Variants in SVEP1 observed in about 807,000 individuals in gnomAD.
SVEP1 encodes the protein sushi, von Willebrand factor type A, EGF and pentraxin domain containing 1, also known as sushi, von Willebrand factor type A, EGF and pentraxin domain-containing protein 1.
Under a neutral mutation model 367.3 loss-of-function variants are expected in SVEP1, and 164 were observed. The observed-to-expected ratio is 0.45, with a 90% CI of 0.39 to 0.51. The LOEUF (loss-of-function observed/expected upper bound fraction) is 0.51, where lower values mean the gene tolerates loss of function less well. Among genes scored for constraint, SVEP1 ranks in the 20% least tolerant of loss-of-function variants. SVEP1 has a pLI of 0.00. For missense variants in SVEP1, 4,117 were observed against 4,425.3 expected (o/e 0.93, Z 1.98); for synonymous variants, 1,666 against 1,611.6 (o/e 1.03, Z -0.81).
chr9:110,404,984 C>T (rs1194204479), intron 38 of SVEP1, among the ~76,000 whole-genome samples: 1 of 152,154 alleles, frequency 6.6e-6, no homozygotes, highest in African/African-American at 2.4e-5. Flanking sequence ...CAAGAACATG[C>T]CACTGCACTC....
At chr9:110,486,662 T>C (rs1321195368) in intron 9 of SVEP1, among the ~76,000 whole-genome samples, 1 of 151,996 alleles carries the variant, frequency 6.6e-6, no homozygotes, top group South Asian at 2.1e-4. Flanking sequence ...TCTCTTTTTT[T>C]TTTTAGATGG....
rs3802433 is a variant in SVEP1, at chr9:110,407,781, T to C, written c.7819A>G (p.Thr2607Ala). The C allele has an allele frequency of 7.2e-5, 117 of 1,613,858 alleles. No homozygotes were observed. The East Asian group carries it at 2.5e-3, about 35-fold the overall frequency. Residue 2607 changes from threonine (T) to alanine (A), a missense_variant, in exon 38 of 48, where the codon ACA becomes GCA. Physicochemically the swap from Thr to Ala is moderately conservative, Grantham distance 58. Transcript: ENST00000374469. ...AGGCCACAGTCTATTGGCATACATG[T>C]TGGGATGGAACTTGACCATCCTGAC... The part of the protein sequence containing the change: ...EESGWSSSIP[T>A]CMPIDCGLPP...
chr9:110,438,968 C>T (rs1044456705), intron 27 of SVEP1, among the ~76,000 whole-genome samples: 8 of 152,182 alleles, frequency 5.3e-5, no homozygotes, highest in Non-Finnish European at 7.3e-5. Flanking sequence ...AAACCATATA[C>T]ACAATCTTTT....
Position 110,573,933 on chromosome 9 carries a change from C to A in SVEP1, c.531+5080G>T, listed in dbSNP as rs140115077. On this transcript the variant is annotated intron_variant, in intron 1 of 47. Coordinates refer to ENST00000374469, the MANE Select transcript of SVEP1 (RefSeq NM_153366.4). The stretch of plus-strand genomic sequence containing the variant: ...AGAATTCACTGCTTTAGTCCTTGCA[C>A]TCTTTGAAGAGTGCTAGGGGGTGGT... Among the ~76,000 whole-genome samples the A allele has an allele frequency of 6.3e-3, 957 of 152,330 alleles. 5 individuals carry two copies. Among genetic ancestry groups the A allele is most frequent in the Non-Finnish European group, 0.011 (775 of 68,032 alleles).
chr9:110,455,089 T>C (rs1192130657), intron 22 of SVEP1, among the ~76,000 whole-genome samples: 3 of 152,220 alleles, frequency 2.0e-5, no homozygotes, highest in Admixed American at 6.5e-5. Flanking sequence ...CAAGGATACA[T>C]GCGCCTGAAG....
chr9:110,469,204 G>T, intron 16 of SVEP1, 103 bp from the exon 17 acceptor site: 2 of 1,246,618 alleles, frequency 1.6e-6, no homozygotes, highest in Non-Finnish European at 2.2e-6. Context: ...GCTTGAAGGT[G>T]CTATTGTTTA....
At chr9:110,430,107 CTTTTT>C (rs11331398) in intron 33 of SVEP1, 103 bp from the exon 34 acceptor site, 34 of 964,720 alleles carry the variant, frequency 3.5e-5, no homozygotes, top group South Asian at 5.5e-5. Flanking sequence ...TGTTTGTTTT[CTTTTT>C]TTTTTTTTTT....
intron 1 of SVEP1, among the ~76,000 whole-genome samples, chr9:110,559,112 A>G (rs1830391037): frequency 6.6e-6 from 1 of 152,108 alleles, no homozygotes; most frequent in African/African-American, 2.4e-5. Context: ...TTAGAAAAAC[A>G]GCAGATTTCC....
At chr9:110,389,978 TTGGCC>T in intron 40 of SVEP1, among the ~76,000 whole-genome samples, 1 of 147,092 alleles carries the variant, frequency 6.8e-6, no homozygotes, top group East Asian at 2.0e-4. Context: ...AGAGTACTAT[TTGGCC>T]ATAAAAACAC....
intron 18 of SVEP1, among the ~76,000 whole-genome samples, chr9:110,462,220 G>C (rs1053239544): frequency 6.6e-6 from 1 of 151,240 alleles, no homozygotes; most frequent in African/African-American, 2.4e-5. Flanking sequence ...ACTAACAGAA[G>C]GTAAAAAATT....
At chr9:110,405,710 T>C (rs1256212909) in intron 38 of SVEP1, among the ~76,000 whole-genome samples, 2 of 152,242 alleles carry the variant, frequency 1.3e-5, no homozygotes, top group Non-Finnish European at 2.9e-5. Flanking sequence ...ACATAAGATA[T>C]TTCTTTTAAT....
intron 9 of SVEP1, among the ~76,000 whole-genome samples, chr9:110,489,319 C>T (rs918675175): frequency 6.6e-6 from 1 of 151,918 alleles, no homozygotes; most frequent in African/African-American, 2.4e-5. Context: ...AAAGACATAC[C>T]CGAGACTGAG....
chr9:110,551,519 A>C (rs962786542), intron 1 of SVEP1, among the ~76,000 whole-genome samples: 1 of 152,218 alleles, frequency 6.6e-6, no homozygotes, highest in Non-Finnish European at 1.5e-5. Context: ...TTTCTCAAAA[A>C]TCAAATGAGA....
intron 44 of SVEP1, 53 bp from the exon 45 acceptor site, chr9:110,377,419 G>C: frequency 5.2e-5 from 79 of 1,523,226 alleles, no homozygotes; most frequent in Non-Finnish European, 6.8e-5. Flanking sequence ...AAGGGAAGGA[G>C]TCAGAAAATA....
chr9:110,494,264 C>T (rs912118547), intron 8 of SVEP1, among the ~76,000 whole-genome samples: 12 of 152,080 alleles, frequency 7.9e-5, no homozygotes, highest in African/African-American at 2.4e-4. Context: ...GAGACAGAGA[C>T]GGGGAGGCAT....
At chr9:110,447,954 TGAGTGGAAAAAAAAACC>T (rs2118603145) in intron 24 of SVEP1, among the ~76,000 whole-genome samples, 1 of 120,908 alleles carries the variant, frequency 8.3e-6, no homozygotes, top group Admixed American at 8.6e-5. Context: ...AATATCATGC[TGAGTGGAAAAAAAAACC>T]GAATTGCAAA....
At chr9:110,400,655 C>G (rs1827844226) in intron 40 of SVEP1, among the ~76,000 whole-genome samples, 199 bp downstream of exon 40, 1 of 152,194 alleles carries the variant, frequency 6.6e-6, no homozygotes, top group African/African-American at 2.4e-5. Context: ...GCATGAGCCA[C>G]CGCACCCAGT....
intron 39 of SVEP1, among the ~76,000 whole-genome samples, chr9:110,402,722 G>A (rs953572540): frequency 3.2e-4 from 48 of 152,160 alleles, no homozygotes; most frequent in Non-Finnish European, 2.4e-4. Context: ...GCAGAACTCT[G>A]TCAGACAGCT....
At chr9:110,474,955 T>G (rs193040627) in intron 14 of SVEP1, among the ~76,000 whole-genome samples, 143 of 150,996 alleles carry the variant, frequency 9.5e-4, no homozygotes, top group African/African-American at 3.3e-3. Flanking sequence ...AGCAGTTTTA[T>G]ATATATAATA....
Sources: gnomAD v4.1 joint callset for allele counts (sites outside exome capture counted in the v4.1 genomes callset) on GRCh38, gnomAD v4.1.1 for gene constraint, MANE v1.5 for transcripts, NCBI Gene and HGNC (gene_info 2026-07-23, HGNC 2026-07-21) for gene names.